Variants in PELI1 observed in about 807,000 individuals in gnomAD.
PELI1 encodes pellino E3 ubiquitin protein ligase 1, also known as E3 ubiquitin-protein ligase pellino homolog 1.
In PELI1, 15 loss-of-function variants were observed where a neutral mutation model predicts 41.3. That is an observed-to-expected ratio of 0.36 (90% CI 0.24 to 0.56). The LOEUF is 0.56. Ranked by LOEUF, PELI1 falls within the 20% of genes least tolerant of loss-of-function variation. PELI1 has a pLI of 0.82. For synonymous variants in PELI1, 178 were observed against 180.1 expected, an observed-to-expected ratio of 0.99 and a Z score of 0.09; for missense variants, 403 against 525.5, an observed-to-expected ratio of 0.77 and a Z score of 2.28.
At chr2:64,113,222 T>C (rs1680881239) in intron 1 of PELI1, among the ~76,000 whole-genome samples, 2 of 151,496 alleles carry the variant, frequency 1.3e-5, no homozygotes, top group African/African-American at 2.4e-5. Context: ...GGATCACTTG[T>C]GCCCAGGAGT....
intron 3 of PELI1, among the ~76,000 whole-genome samples, chr2:64,101,781 G>A (rs759734259): frequency 1.2e-4 from 18 of 150,284 alleles, no homozygotes; most frequent in Middle Eastern, 3.5e-3. Flanking sequence ...TTATACTAAC[G>A]ACTCAGCTTT....
Position 64,096,600 on chromosome 2 carries a change from G to T in PELI1, c.314C>A (p.Ser105Ter). The change falls in exon 5 of 7, where the codon TCG becomes TAG. Residue 105 changes from serine (S) to a stop codon, truncating the protein, a stop_gained. Transcript: ENST00000358912. LOFTEE classifies it high-confidence loss of function. Reference sequence around the variant, plus strand: ...TACAAAATCAATGGGGCTTTCAGTCGACCGGCCAATCTGAGGGAAAAAAAA... The same window carrying T: ...TACAAAATCAATGGGGCTTTCAGTCTACCGGCCAATCTGAGGGAAAAAAAA... Reference protein sequence around the residue: ...SNTDMFQIGRSTESPIDFVVT... With the variant: ...SNTDMFQIGR 6.2e-7 allele frequency: 1 copy of T among 1,608,052 alleles called. No homozygotes were observed. Among genetic ancestry groups the T allele is most frequent in the South Asian group, 1.1e-5 (1 of 90,666 alleles).
In PELI1 at chr2:64,092,965, A is replaced by T. The variant is rs1203297723; in HGVS notation, c.*1737T>A. The T allele has an allele frequency of 6.6e-6, 1 of 152,564 alleles. No individual in the cohort carries two copies. Among genetic ancestry groups the T allele is most frequent in the African/African-American group, 2.4e-5 (1 of 41,474 alleles). 9.5% of individuals were successfully genotyped at this position (152,564 alleles called of 1,614,324 possible). A position where few individuals can be genotyped will look rare whatever the true frequency, so the allele number is the denominator to read the frequency against. On this transcript the variant is annotated 3_prime_UTR_variant, in exon 7 of 7. Coordinates refer to ENST00000358912, the MANE Select transcript of PELI1 (RefSeq NM_020651.4). ...ATGACTAGAACAAATACAACACAGGACTTGCTTTCTTGCATTAGTCACAAA... is the reference window on the plus strand; with the variant it reads ...ATGACTAGAACAAATACAACACAGGTCTTGCTTTCTTGCATTAGTCACAAA...
At chr2:64,142,689 A>G (rs1681951442) in intron 1 of PELI1, among the ~76,000 whole-genome samples, 1 of 152,246 alleles carries the variant, frequency 6.6e-6, no homozygotes, top group African/African-American at 2.4e-5. Flanking sequence ...TGTTGGCTAT[A>G]AAGAAAACGC....
intron 1 of PELI1, among the ~76,000 whole-genome samples, chr2:64,115,861 A>G (rs1026087365): frequency 6.6e-6 from 1 of 152,202 alleles, no homozygotes; most frequent in African/African-American, 2.4e-5. Context: ...TTCAGCATAG[A>G]TTAGTAACAA....
chr2:64,137,238 A>G (rs915480972), intron 1 of PELI1, among the ~76,000 whole-genome samples: 11 of 152,192 alleles, frequency 7.2e-5, no homozygotes, highest in Non-Finnish European at 1.3e-4. Context: ...AATGTTCTCA[A>G]AACAACTACT....
intron 1 of PELI1, among the ~76,000 whole-genome samples, chr2:64,109,913 A>G (rs962901736): frequency 6.6e-6 from 1 of 152,192 alleles, no homozygotes; most frequent in Non-Finnish European, 1.5e-5. Flanking sequence ...GTGTCACTGG[A>G]CACACATGTC....
intron 1 of PELI1, among the ~76,000 whole-genome samples, chr2:64,134,241 G>A (rs1007599854): frequency 6.6e-6 from 1 of 152,066 alleles, no homozygotes; most frequent in Non-Finnish European, 1.5e-5. Context: ...AAATCAACAC[G>A]TTATTTCTAA....
At position 64,144,132 on chromosome 2, in the gene PELI1, G is replaced by A. The variant is rs1682025709; in HGVS notation, c.-121C>T. 1 of 152,094 alleles carries A rather than the reference G, an allele frequency of 6.6e-6. No individual in the cohort carries two copies. The highest frequency in any genetic ancestry group is 2.4e-5 in the African/African-American group (1 of 41,434). The allele number at this position is 152,094 out of a possible 1,614,324, so 9.4% of individuals were successfully genotyped here. On this transcript the variant is annotated 5_prime_UTR_variant, in exon 1 of 7. Transcript: ENST00000358912. ...CAGAGCGGCCCCCGAGACCCGAGGC[G>A]AGAGGGTGAAGTGTTGTGCGCGGGG...
rs543611852 is a variant in PELI1 at position 64,128,503 on chromosome 2, C to T, written c.-70+15578G>A. Among the ~76,000 whole-genome samples, 26 of 152,232 alleles carry T rather than the reference C, an allele frequency of 1.7e-4. 1 individual carries two copies. Among genetic ancestry groups the T allele is most frequent in the African/African-American group, 6.0e-4 (25 of 41,556 alleles). Reference sequence around the variant, plus strand: ...ATTGCCACAAACATTTCTTTCTCCTCACATCCCACCCCCAAAGCAGATTCT... The same window carrying T: ...ATTGCCACAAACATTTCTTTCTCCTTACATCCCACCCCCAAAGCAGATTCT... On this transcript the variant is annotated intron_variant, in intron 1 of 6. Transcript: ENST00000358912.
At chr2:64,131,588 G>A (rs998518339) in intron 1 of PELI1, among the ~76,000 whole-genome samples, 5 of 151,638 alleles carry the variant, frequency 3.3e-5, no homozygotes, top group Admixed American at 2.0e-4. Context: ...GATCCTAACC[G>A]GCATGTAGAG....
In PELI1 at chr2:64,096,223, T is replaced by C. The variant is rs1311228047; in HGVS notation, c.592A>G (p.Thr198Ala). The change falls in exon 6 of 7, where the codon ACA becomes GCA. Residue 198 changes from threonine (T) to alanine (A), a missense_variant. Transcript: ENST00000358912. ...CATATTCCAGGCTTGGAGTCTTCTG[T>C]GAACCCATTGCGTGGATGCATCACA... is the stretch of plus-strand genomic sequence containing the variant. ...VLVMHPRNGF[T>A]EDSKPGIWRE... The C allele has an allele frequency of 2.5e-6, 4 of 1,613,888 alleles. No homozygotes were observed.
At chr2:64,112,049 C>T (rs186118983) in intron 1 of PELI1, among the ~76,000 whole-genome samples, 113 of 152,064 alleles carry the variant, frequency 7.4e-4, no homozygotes, top group Admixed American at 4.4e-3. Context: ...TTTAGAGTTA[C>T]TATTTAAAGG....
At chr2:64,137,423 T>C (rs1485192723) in intron 1 of PELI1, among the ~76,000 whole-genome samples, 3 of 152,192 alleles carry the variant, frequency 2.0e-5, no homozygotes, top group Non-Finnish European at 4.4e-5. Flanking sequence ...AGAATATAAA[T>C]GAAATTTACC....
chr2:64,097,402 A>C (rs1680278675), intron 4 of PELI1, among the ~76,000 whole-genome samples: 1 of 152,236 alleles, frequency 6.6e-6, no homozygotes, highest in Non-Finnish European at 1.5e-5. Context: ...ACTTTGTGGC[A>C]TTTATTTTAT....
At chr2:64,132,413 T>A (rs780032179) in intron 1 of PELI1, among the ~76,000 whole-genome samples, 3 of 152,150 alleles carry the variant, frequency 2.0e-5, no homozygotes, top group Non-Finnish European at 4.4e-5. Context: ...CCCAAGCATT[T>A]TGGATAAGGG....
At chr2:64,141,300 T>C (rs1460558071) in intron 1 of PELI1, among the ~76,000 whole-genome samples, 100 of 133,684 alleles carry the variant, frequency 7.5e-4, no homozygotes, top group African/African-American at 2.6e-3. Flanking sequence ...ATAACATGTT[T>C]CCCGCCCCCA....
chr2:64,143,257 G>C (rs1338464286), intron 1 of PELI1: 1 of 152,212 alleles, frequency 6.6e-6, no homozygotes, highest in Non-Finnish European at 1.5e-5. Context: ...TAAGTCTTTA[G>C]AGGTTTTAAG....
intron 1 of PELI1, among the ~76,000 whole-genome samples, chr2:64,123,163 T>G (rs1305137879): frequency 1.3e-5 from 2 of 152,220 alleles, no homozygotes; most frequent in Non-Finnish European, 2.9e-5. Flanking sequence ...TCCACTCTTT[T>G]CTATATGTTG....
Sources: gnomAD v4.1 joint callset for allele counts (sites outside exome capture counted in the v4.1 genomes callset) on GRCh38, gnomAD v4.1.1 for gene constraint, MANE v1.5 for transcripts, NCBI Gene and HGNC (gene_info 2026-07-23, HGNC 2026-07-21) for gene names.